Variants in MYO16 observed in about 807,000 individuals in gnomAD.
MYO16 encodes myosin XVI.
MYO16 carries 94 observed loss-of-function variants against 205.3 expected under a neutral mutation model. The ratio of observed to expected loss-of-function variants is 0.46; its 90% CI spans 0.39 to 0.54. The LOEUF is 0.54. Ranked by LOEUF, MYO16 falls within the 20% of genes least tolerant of loss-of-function variation. MYO16 has a pLI of 0.00. For synonymous variants in MYO16, 988 were observed against 954.0 expected, an observed-to-expected ratio of 1.04 and a Z score of -0.66; for missense variants, 2,315 against 2,387.5, an observed-to-expected ratio of 0.97 and a Z score of 0.63.
intron 12 of MYO16, among the ~76,000 whole-genome samples, chr13:108,875,165 G>T (rs545252337): frequency 6.6e-6 from 1 of 152,222 alleles, no homozygotes; most frequent in East Asian, 1.9e-4. Context: ...GAGCTAAAAT[G>T]GAGTGTTTAA....
intron 20 of MYO16, among the ~76,000 whole-genome samples, chr13:108,972,709 C>T (rs1884099296): frequency 6.6e-6 from 1 of 151,726 alleles, no homozygotes; most frequent in Non-Finnish European, 1.5e-5. Flanking sequence ...GCCACTCTTT[C>T]TCTTAGGGCA....
chr13:108,961,762 TTCCTC>T (rs1883592767), intron 18 of MYO16, 106 bp downstream of exon 18: 1 of 849,374 alleles, frequency 1.2e-6, no homozygotes, highest in Admixed American at 1.9e-5. Flanking sequence ...CTTAAACCCT[TTCCTC>T]TATAGTAGAA....
At chr13:108,916,539 C>T (rs140193776) in intron 16 of MYO16, among the ~76,000 whole-genome samples, 3 of 152,326 alleles carry the variant, frequency 2.0e-5, no homozygotes, top group South Asian at 2.1e-4. Flanking sequence ...AACTAACTTA[C>T]GACGTTCTAG....
chr13:108,955,199 C>T (rs928352693), intron 16 of MYO16, among the ~76,000 whole-genome samples: 2 of 152,216 alleles, frequency 1.3e-5, no homozygotes, highest in Non-Finnish European at 2.9e-5. Flanking sequence ...AAAGTCAGGT[C>T]ATTTCTGCAG....
intron 27 of MYO16, among the ~76,000 whole-genome samples, chr13:109,087,555 A>G (rs1183513537): frequency 2.0e-5 from 3 of 152,054 alleles, no homozygotes; most frequent in Non-Finnish European, 4.4e-5. Flanking sequence ...CTGAGGCAGG[A>G]GAATCACCTG....
chr13:108,682,167 C>T (rs1407899902), intron 2 of MYO16, among the ~76,000 whole-genome samples: 3 of 152,190 alleles, frequency 2.0e-5, no homozygotes, highest in African/African-American at 7.2e-5. Context: ...GATAGACATG[C>T]TAAACATTGT....
At chr13:108,930,434 A>G (rs1882205383) in intron 16 of MYO16, among the ~76,000 whole-genome samples, 1 of 152,226 alleles carries the variant, frequency 6.6e-6, no homozygotes, top group South Asian at 2.1e-4. Flanking sequence ...AGCAGCAAAT[A>G]TAATCTAGCA....
At chr13:108,833,380 C>A (rs1876725803) in intron 9 of MYO16, among the ~76,000 whole-genome samples, 1 of 151,514 alleles carries the variant, frequency 6.6e-6, no homozygotes, top group African/African-American at 2.4e-5. Flanking sequence ...TTTATAGAAG[C>A]AGAAAAAAAA....
intron 4 of MYO16, among the ~76,000 whole-genome samples, chr13:108,737,321 T>C (rs1275209509): frequency 1.3e-5 from 2 of 152,198 alleles, no homozygotes; most frequent in Admixed American, 1.3e-4. Flanking sequence ...CATCAATACC[T>C]AATTTATTGA....
At chr13:108,741,892 A>G (rs1884921819) in intron 4 of MYO16, among the ~76,000 whole-genome samples, 1 of 152,200 alleles carries the variant, frequency 6.6e-6, no homozygotes, top group Non-Finnish European at 1.5e-5. Flanking sequence ...AATTTACATC[A>G]TATTGTTGAA....
chr13:108,939,451 C>T (rs1415157311), intron 16 of MYO16, among the ~76,000 whole-genome samples: 1 of 152,186 alleles, frequency 6.6e-6, no homozygotes, highest in African/African-American at 2.4e-5. Context: ...GTATCCTCCT[C>T]TCCAGGATTT....
chr13:109,095,339 A>G (rs1888745271), intron 27 of MYO16, among the ~76,000 whole-genome samples: 1 of 152,126 alleles, frequency 6.6e-6, no homozygotes, highest in African/African-American at 2.4e-5. Context: ...TGTGCTCCGG[A>G]CTCACGTCCT....
At chr13:108,832,494 T>C (rs4141577) in intron 9 of MYO16, among the ~76,000 whole-genome samples, 82,953 of 151,526 alleles carry the variant, frequency 0.55, 25,387 homozygotes, top group Middle Eastern at 0.71. Context: ...AGAAGAAATT[T>C]CTCATAACTA....
At chr13:108,516,355 A>G in the MYO16 span, among the ~76,000 whole-genome samples, 4 of 151,672 alleles carry the variant, frequency 2.6e-5, no homozygotes, top group African/African-American at 7.3e-5. Flanking sequence ...GCGCGCACAC[A>G]CTGGCCTGCG....
chr13:108,854,415 TA>T (rs139475870), intron 10 of MYO16, among the ~76,000 whole-genome samples: 131 of 152,308 alleles, frequency 8.6e-4, no homozygotes, highest in African/African-American at 3.1e-3. Context: ...AAAATAGTCC[TA>T]AATTTAGTTT....
chr13:108,802,156 G>A (rs1049274990), intron 6 of MYO16, among the ~76,000 whole-genome samples: 4 of 152,014 alleles, frequency 2.6e-5, no homozygotes, highest in African/African-American at 9.7e-5. Context: ...GTTGACAATA[G>A]TCATCCTGCT....
rs539033835 is a variant in MYO16 at position 108,750,695 on chromosome 13, T to G, written c.507+23112T>G. Among the ~76,000 whole-genome samples the G allele has an allele frequency of 4.6e-4, 69 of 151,470 alleles. 1 individual carries two copies. In the South Asian group the frequency reaches 7.1e-3, roughly 16 times the overall value. On this transcript the variant is annotated intron_variant, in intron 4 of 34. Coordinates refer to ENST00000457511, the MANE Select transcript of MYO16 (RefSeq NM_001198950.3). ...GGTGGCGTGCACCTATAATCCCAGC[T>G]ACTTAGGAGGCTGAGGCGGGGGAAT... is the stretch of plus-strand genomic sequence containing the variant.
At chr13:108,983,089 G>C (rs1184167889) in intron 20 of MYO16, among the ~76,000 whole-genome samples, 1 of 152,118 alleles carries the variant, frequency 6.6e-6, no homozygotes, top group African/African-American at 2.4e-5. Flanking sequence ...GAGCTCTAAG[G>C]CCAAAGACTA....
chr13:108,730,130 G>T (rs987578536), intron 4 of MYO16, among the ~76,000 whole-genome samples: 2 of 152,064 alleles, frequency 1.3e-5, no homozygotes, highest in African/African-American at 4.8e-5. Context: ...TCTCATCTTG[G>T]AGTTCCCATA....
Sources: allele counts gnomAD v4.1 joint callset (sites outside exome capture counted in the v4.1 genomes callset), GRCh38; gene constraint gnomAD v4.1.1; transcripts MANE v1.5; gene names NCBI Gene and HGNC (gene_info 2026-07-23, HGNC 2026-07-21).